Variants in LHCGR observed in about 807,000 individuals in gnomAD.
The protein encoded by LHCGR is lutropin-choriogonadotropic hormone receptor.
In LHCGR, 55 loss-of-function variants were observed where a neutral mutation model predicts 60.7. The observed-to-expected ratio is 0.91, with a 90% CI of 0.73 to 1.13. The LOEUF (loss-of-function observed/expected upper bound fraction) is 1.13, where lower values mean the gene tolerates loss of function less well. Among genes scored for constraint, LHCGR ranks in the 50% most tolerant of loss-of-function variants. The probability of loss-of-function intolerance (pLI) is 0.00; values close to 1 mark genes in which losing one functional copy is unlikely to be tolerated. For synonymous variants in LHCGR, 337 were observed against 316.5 expected (o/e 1.06, Z -0.69); for missense variants, 862 against 836.0 (o/e 1.03, Z -0.38).
At chr2:48,729,604 GTA>G (rs1283920481) in intron 2 of LHCGR, among the ~76,000 whole-genome samples, 1 of 152,178 alleles carries the variant, frequency 6.6e-6, no homozygotes, top group Non-Finnish European at 1.5e-5. Flanking sequence ...GAGGCAAATA[GTA>G]TTTGTATTAA....
At chr2:48,714,890 G>A (rs1482712532) in intron 6 of LHCGR, among the ~76,000 whole-genome samples, 1 of 152,148 alleles carries the variant, frequency 6.6e-6, no homozygotes, top group Non-Finnish European at 1.5e-5. Context: ...TGCAAAGAAG[G>A]AAATAGGCTC....
chr2:48,708,868 G>C lies in LHCGR; in HGVS notation c.680+80C>G, dbSNP rs1158274590. On this transcript the variant is annotated intron_variant, in intron 8 of 10. Transcript: ENST00000294954. ...GGCTGATGTCTCACATATCAGCTTG[G>C]GGATGATGTGGAGGGACACCCTAAG... The C allele has an allele frequency of 5.7e-6, 6 of 1,056,480 alleles. No homozygotes were observed. The Admixed American group carries it at 6.7e-5, about 12-fold the overall frequency. The allele number at this position is 1,056,480 out of a possible 1,614,324, so 65.4% of individuals were successfully genotyped here. A position where few individuals can be genotyped will look rare whatever the true frequency, so the allele number is the denominator to read the frequency against.
chr2:48,738,599 C>T (rs963400243), intron 1 of LHCGR, among the ~76,000 whole-genome samples: 6 of 152,182 alleles, frequency 3.9e-5, no homozygotes, highest in Admixed American at 2.6e-4. Flanking sequence ...CCAGTTGTAT[C>T]ACCCACTCTT....
chr2:48,745,326 C>A (rs1428049531), intron 1 of LHCGR, among the ~76,000 whole-genome samples: 1 of 152,162 alleles, frequency 6.6e-6, no homozygotes, highest in Admixed American at 6.5e-5. Context: ...TACCATTTGA[C>A]CTAGCCATCC....
At chr2:48,747,223 G>T (rs1202820711) in intron 1 of LHCGR, among the ~76,000 whole-genome samples, 24 of 151,868 alleles carry the variant, frequency 1.6e-4, no homozygotes, top group Admixed American at 1.6e-3. Context: ...CAAGTAGCTG[G>T]GACTACAGGC....
intron 1 of LHCGR, among the ~76,000 whole-genome samples, chr2:48,742,839 A>G (rs1669524524): frequency 1.3e-5 from 2 of 151,958 alleles, no homozygotes; most frequent in South Asian, 4.1e-4. Flanking sequence ...AAATAACTAA[A>G]ATCAGAGCAG....
chr2:48,752,981 C>CGGG (rs60837194), intron 1 of LHCGR, among the ~76,000 whole-genome samples: 9 of 7,614 alleles, frequency 1.2e-3, no homozygotes, highest in African/African-American at 3.3e-3. Context: ...CGGATTTTGG[C>CGGG]GGGGGGGGGG....
chr2:48,692,556 T>C (rs1395700219), intron 10 of LHCGR, among the ~76,000 whole-genome samples: 2 of 152,228 alleles, frequency 1.3e-5, no homozygotes, highest in African/African-American at 2.4e-5. Context: ...CAGAGCTGTC[T>C]TTAGTATTAG....
At chr2:48,733,075 A>G (rs879089252) in intron 1 of LHCGR, 1 of 441,662 alleles carries the variant, frequency 2.3e-6, no homozygotes, top group Non-Finnish European at 4.6e-6. Context: ...TGCACTGCCA[A>G]ACCAATAAAT....
At chr2:48,718,327 A>G (rs908470423) in intron 6 of LHCGR, among the ~76,000 whole-genome samples, 2 of 152,210 alleles carry the variant, frequency 1.3e-5, no homozygotes, top group Non-Finnish European at 1.5e-5. Context: ...TGGGCTTTAG[A>G]TATTAATCAC....
At chr2:48,742,860 C>G (rs1199367167) in intron 1 of LHCGR, among the ~76,000 whole-genome samples, 1 of 151,786 alleles carries the variant, frequency 6.6e-6, no homozygotes, top group Non-Finnish European at 1.5e-5. Flanking sequence ...AACTGAAGGA[C>G]ATAGAGACAC....
At chr2:48,735,223 C>G (rs748731241) in intron 1 of LHCGR, among the ~76,000 whole-genome samples, 1 of 152,176 alleles carries the variant, frequency 6.6e-6, no homozygotes, top group Non-Finnish European at 1.5e-5. Context: ...AAGTTGAAAT[C>G]GAAACAGTCT....
intron 1 of LHCGR, among the ~76,000 whole-genome samples, chr2:48,738,227 A>G (rs1669285163): frequency 6.6e-6 from 1 of 151,540 alleles, no homozygotes; most frequent in African/African-American, 2.4e-5. Flanking sequence ...TTACTACACT[A>G]TTTTTTTTCC....
intron 6 of LHCGR, chr2:48,721,530 T>C (rs1668495227): frequency 3.1e-6 from 1 of 325,896 alleles, no homozygotes; most frequent in Admixed American, 3.8e-5. Context: ...TGAAGCTACA[T>C]GGTCACAGCT....
At chr2:48,733,460 T>G (rs1396979436) in intron 1 of LHCGR, among the ~76,000 whole-genome samples, 1 of 152,186 alleles carries the variant, frequency 6.6e-6, no homozygotes, top group Non-Finnish European at 1.5e-5. Context: ...CAGTCTCCAG[T>G]GGCTACAGAA....
At chr2:48,725,930 A>C (rs1285220238) in intron 3 of LHCGR, among the ~76,000 whole-genome samples, 180 bp from the exon 4 acceptor site, 1 of 152,164 alleles carries the variant, frequency 6.6e-6, no homozygotes, top group East Asian at 1.9e-4. Context: ...GGTGAGAGCC[A>C]GTTCCCTATT....
chr2:48,740,804 C>T (rs572799578), intron 1 of LHCGR, among the ~76,000 whole-genome samples: 10 of 152,334 alleles, frequency 6.6e-5, no homozygotes, highest in Admixed American at 1.3e-4. Context: ...TCCAAAGGAA[C>T]GCAGTTTCTC....
At chr2:48,691,487 T>G (rs965744572) in intron 10 of LHCGR, among the ~76,000 whole-genome samples, 1 of 152,136 alleles carries the variant, frequency 6.6e-6, no homozygotes, top group African/African-American at 2.4e-5. Context: ...TTTTTTAATC[T>G]TTAAAGGGAG....
intron 6 of LHCGR, among the ~76,000 whole-genome samples, chr2:48,718,911 C>T (rs928521746): frequency 6.6e-6 from 1 of 152,196 alleles, no homozygotes; most frequent in African/African-American, 2.4e-5. Flanking sequence ...CCTCCTGCCT[C>T]TCAGCAGCAC....
Sources: gnomAD v4.1 joint callset for allele counts (sites outside exome capture counted in the v4.1 genomes callset) on GRCh38, gnomAD v4.1.1 for gene constraint, MANE v1.5 for transcripts, NCBI Gene and HGNC (gene_info 2026-07-23, HGNC 2026-07-21) for gene names.